TRHDE: variants seen among roughly 807,000 people sequenced by gnomAD.
TRHDE encodes the protein thyrotropin-releasing hormone-degrading ectoenzyme.
A neutral mutation model predicts 125.7 loss-of-function variants in TRHDE; 72 were observed. The ratio of observed to expected loss-of-function variants is 0.57; its 90% CI spans 0.47 to 0.70. The LOEUF (loss-of-function observed/expected upper bound fraction) is 0.70. Ranked by LOEUF, TRHDE falls within the 30% of genes least tolerant of loss-of-function variation. The probability of loss-of-function intolerance (pLI) is 0.00; values close to 1 mark genes in which losing one functional copy is unlikely to be tolerated. For missense variants in TRHDE, 1,110 were observed against 1,327.1 expected, an observed-to-expected ratio of 0.84 and a Z score of 2.54; for synonymous variants, 509 against 509.1, an observed-to-expected ratio of 1.00 and a Z score of 0.00.
chr12:72,307,140 A>G (rs1868353344), intron 2 of TRHDE, among the ~76,000 whole-genome samples: 1 of 151,974 alleles, frequency 6.6e-6, no homozygotes, highest in Non-Finnish European at 1.5e-5. Flanking sequence ...TTTCAAGCAG[A>G]GGAGTGATCT....
At chr12:72,310,799 T>C (rs1018364022) in intron 2 of TRHDE, among the ~76,000 whole-genome samples, 56 of 152,148 alleles carry the variant, frequency 3.7e-4, no homozygotes, top group African/African-American at 1.3e-3. Flanking sequence ...CAGTCCCTAA[T>C]CAATACCAAT....
intron 15 of TRHDE, among the ~76,000 whole-genome samples, chr12:72,648,611 C>G (rs1005243834): frequency 6.6e-6 from 1 of 151,854 alleles, no homozygotes; most frequent in Non-Finnish European, 1.5e-5. Context: ...AATAAACTAT[C>G]TGAAAAGTAA....
intron 3 of TRHDE, among the ~76,000 whole-genome samples, chr12:72,384,787 TA>T (rs1316975927): frequency 2.0e-5 from 3 of 152,086 alleles, no homozygotes; most frequent in Non-Finnish European, 4.4e-5. Flanking sequence ...TAAACATATA[TA>T]TTTTTTATTG....
chr12:72,454,138 G>T (rs114422592), intron 3 of TRHDE, among the ~76,000 whole-genome samples: 8 of 151,948 alleles, frequency 5.3e-5, no homozygotes, highest in African/African-American at 1.9e-4. Flanking sequence ...GAAGTTCATT[G>T]TAAGAGTAGT....
At chr12:72,372,383 C>G (rs1425953789) in intron 2 of TRHDE, among the ~76,000 whole-genome samples, 1 of 152,052 alleles carries the variant, frequency 6.6e-6, no homozygotes, top group East Asian at 1.9e-4. Flanking sequence ...TGCAGAAGCT[C>G]TTTAGTTTAA....
At chr12:72,141,749 G>A (rs1427060343) in intron 2 of TRHDE, among the ~76,000 whole-genome samples, 2 of 152,212 alleles carry the variant, frequency 1.3e-5, no homozygotes, top group Non-Finnish European at 2.9e-5. Context: ...ACAGTAGAAG[G>A]AGGTTCTGGG....
chr12:72,243,732 C>G (rs1878524602), intron 2 of TRHDE, among the ~76,000 whole-genome samples: 1 of 152,146 alleles, frequency 6.6e-6, no homozygotes, highest in Admixed American at 6.5e-5. Context: ...CATCATCAGA[C>G]TGTTTTAAGA....
At chr12:72,366,784 G>A (rs1433166497) in intron 2 of TRHDE, among the ~76,000 whole-genome samples, 1 of 151,778 alleles carries the variant, frequency 6.6e-6, no homozygotes, top group Non-Finnish European at 1.5e-5. Flanking sequence ...AAGAGGGAAG[G>A]GGGAAAGTAC....
chr12:72,618,885 C>G lies in TRHDE; in HGVS notation c.2322-6C>G. The G allele has an allele frequency of 6.8e-7, 1 of 1,464,838 alleles. No individual in the cohort carries two copies. The highest frequency in any genetic ancestry group is 9.0e-7 in the Non-Finnish European group (1 of 1,104,978). The allele number at this position is 1,464,838 out of a possible 1,614,324, so 90.7% of individuals were successfully genotyped here. On this transcript the variant is annotated splice_polypyrimidine_tract_variant and splice_region_variant and intron_variant, in intron 12 of 18. Transcript: ENST00000261180. ...ATCATGTATCTTTTTTTTTTTTTAACTGTAGGGCTGGCTATTTGCCTCAGA... is the reference window on the plus strand; with the variant it reads ...ATCATGTATCTTTTTTTTTTTTTAAGTGTAGGGCTGGCTATTTGCCTCAGA...
At chr12:72,336,236 C>T (rs1347631054) in intron 2 of TRHDE, among the ~76,000 whole-genome samples, 1 of 152,192 alleles carries the variant, frequency 6.6e-6, no homozygotes, top group South Asian at 2.1e-4. Flanking sequence ...ACTCCAAAAC[C>T]TGTGCTGCAC....
chr12:72,339,804 C>A (rs1306410366), intron 2 of TRHDE, among the ~76,000 whole-genome samples: 1 of 152,140 alleles, frequency 6.6e-6, no homozygotes, highest in African/African-American at 2.4e-5. Flanking sequence ...ATTGAGAATG[C>A]CTGCTACTAA....
At chr12:72,575,466 A>G in intron 11 of TRHDE, 21 bp from the exon 12 acceptor site, 1 of 1,613,364 alleles carries the variant, frequency 6.2e-7, no homozygotes. Context: ...TTATCCTATT[A>G]TTTTTTCTAA....
chr12:72,259,499 A>G (rs1005715106), intron 2 of TRHDE, among the ~76,000 whole-genome samples: 1 of 152,192 alleles, frequency 6.6e-6, no homozygotes, highest in Admixed American at 6.5e-5. Flanking sequence ...ACTGGGCATT[A>G]AACTTGCTCA....
chr12:72,097,859 G>C (rs965405842), intron 1 of TRHDE, among the ~76,000 whole-genome samples: 2 of 152,160 alleles, frequency 1.3e-5, no homozygotes, highest in African/African-American at 4.8e-5. Flanking sequence ...CATGATGAAA[G>C]GGGTTTTAGG....
chr12:72,423,177 A>T (rs1186216829), intron 3 of TRHDE, among the ~76,000 whole-genome samples: 1 of 152,146 alleles, frequency 6.6e-6, no homozygotes, highest in Non-Finnish European at 1.5e-5. Flanking sequence ...TGATGGTTCT[A>T]TTTAAGATTT....
chr12:72,098,442 G>A (rs1217939689), intron 1 of TRHDE, among the ~76,000 whole-genome samples: 1 of 151,990 alleles, frequency 6.6e-6, no homozygotes, highest in Non-Finnish European at 1.5e-5. Flanking sequence ...TGTGGTAATC[G>A]TTTATGGCCA....
chr12:72,169,609 C>A (rs1384451634), intron 2 of TRHDE, among the ~76,000 whole-genome samples: 4 of 151,980 alleles, frequency 2.6e-5, no homozygotes, highest in Admixed American at 1.3e-4. Flanking sequence ...AATCCCAGCA[C>A]TTTGGAAGGC....
At chr12:72,245,772 CAT>C (rs140284308) in intron 2 of TRHDE, among the ~76,000 whole-genome samples, 12 of 151,872 alleles carry the variant, frequency 7.9e-5, no homozygotes, top group African/African-American at 2.7e-4. Flanking sequence ...TATACACACA[CAT>C]ATATATATAC....
At chr12:72,602,182 A>G (rs1343685208) in intron 12 of TRHDE, among the ~76,000 whole-genome samples, 1 of 152,136 alleles carries the variant, frequency 6.6e-6, no homozygotes, top group African/African-American at 2.4e-5. Flanking sequence ...CTGATTTCCC[A>G]ACATCAATGT....
Sources: allele counts gnomAD v4.1 joint callset (sites outside exome capture counted in the v4.1 genomes callset), GRCh38; gene constraint gnomAD v4.1.1; transcripts MANE v1.5; gene names NCBI Gene and HGNC (gene_info 2026-07-23, HGNC 2026-07-21).